NEGR1: variants seen among roughly 807,000 people sequenced by gnomAD.
The protein encoded by NEGR1 is neuronal growth regulator 1.
NEGR1 carries 10 observed loss-of-function variants against 40.9 expected under a neutral mutation model. The observed-to-expected ratio is 0.24, with a 90% CI of 0.15 to 0.42. NEGR1 has a LOEUF of 0.42. Among genes scored for constraint, NEGR1 ranks in the 10% least tolerant of loss-of-function variants. The pLI is 1.00. For missense variants in NEGR1, 352 were observed against 438.9 expected, an observed-to-expected ratio of 0.80 and a Z score of 1.77; for synonymous variants, 185 against 166.8, an observed-to-expected ratio of 1.11 and a Z score of -0.84.
rs888684054 is a variant in NEGR1 at position 71,762,307 on chromosome 1, A to C, written c.535+13865T>G. ...AAAGAAAAAAGAAAAAGTCAGACTT[A>C]AGTCCTAATGAATCAATAATTAAAT... On this transcript the variant is annotated intron_variant, in intron 3 of 6. Coordinates refer to ENST00000357731, the MANE Select transcript of NEGR1 (RefSeq NM_173808.3). 1.2e-4 allele frequency among the ~76,000 whole-genome samples: 18 copies of C among 151,844 alleles called. 1 individual carries two copies. The highest frequency in any genetic ancestry group is 4.1e-4 in the African/African-American group (17 of 41,414).
intron 1 of NEGR1, among the ~76,000 whole-genome samples, chr1:72,278,141 A>G (rs188609774): frequency 1.3e-5 from 2 of 152,286 alleles, no homozygotes; most frequent in East Asian, 3.9e-4. Flanking sequence ...GTATTAGAGT[A>G]TCATAGTAGG....
At chr1:72,070,204 C>G (rs2100508743) in intron 1 of NEGR1, among the ~76,000 whole-genome samples, 2 of 152,086 alleles carry the variant, frequency 1.3e-5, no homozygotes, top group East Asian at 3.9e-4. Flanking sequence ...TAAATATAAT[C>G]TACAAAGGAA....
At chr1:71,799,047 T>G (rs1570361809) in intron 2 of NEGR1, among the ~76,000 whole-genome samples, 4 of 117,586 alleles carry the variant, frequency 3.4e-5, no homozygotes, top group South Asian at 2.8e-4. Context: ...TTGAATGGTG[T>G]TTTTTTTTTT....
intron 1 of NEGR1, among the ~76,000 whole-genome samples, chr1:72,004,892 T>C (rs904417824): frequency 1.3e-5 from 2 of 152,140 alleles, no homozygotes; most frequent in African/African-American, 4.8e-5. Flanking sequence ...GGCAAAAGAA[T>C]TGAAATCTTA....
chr1:71,933,765 G>C (rs1430906955), intron 2 of NEGR1, among the ~76,000 whole-genome samples: 1 of 151,836 alleles, frequency 6.6e-6, no homozygotes, highest in African/African-American at 2.4e-5. Flanking sequence ...GTAAAAAAAA[G>C]AAAAATCACT....
chr1:71,614,519 TA>T (rs1248840820), intron 4 of NEGR1, among the ~76,000 whole-genome samples: 2 of 152,172 alleles, frequency 1.3e-5, no homozygotes, highest in African/African-American at 2.4e-5. Flanking sequence ...CAGGTACAGG[TA>T]AGATTGTATT....
chr1:71,788,107 CT>C (rs1249833249), intron 2 of NEGR1, among the ~76,000 whole-genome samples: 1 of 152,034 alleles, frequency 6.6e-6, no homozygotes, highest in Non-Finnish European at 1.5e-5. Flanking sequence ...TAATTATCAT[CT>C]ATATTTTTTA....
chr1:72,026,921 T>A (rs1646815499), intron 1 of NEGR1, among the ~76,000 whole-genome samples: 1 of 152,082 alleles, frequency 6.6e-6, no homozygotes, highest in Middle Eastern at 3.2e-3. Context: ...TTTTTTGTTT[T>A]GTTTTGTTTT....
intron 6 of NEGR1, among the ~76,000 whole-genome samples, chr1:71,482,501 C>A (rs1236992007): frequency 4.0e-5 from 6 of 151,782 alleles, no homozygotes; most frequent in Non-Finnish European, 1.5e-5. Flanking sequence ...CCATTTTAAA[C>A]AAACCCCAGC....
chr1:71,690,618 A>G (rs1296980468), intron 4 of NEGR1, among the ~76,000 whole-genome samples: 1 of 103,438 alleles, frequency 9.7e-6, no homozygotes, highest in East Asian at 3.0e-4. Context: ...ATAGAGGGAG[A>G]CAGAGAGAGA....
intron 5 of NEGR1, among the ~76,000 whole-genome samples, chr1:71,599,734 C>A (rs1649853231): frequency 6.6e-6 from 1 of 152,062 alleles, no homozygotes; most frequent in African/African-American, 2.4e-5. Context: ...AAATGCATGT[C>A]TTATTTACTT....
At chr1:71,908,519 C>G (rs555493738) in intron 2 of NEGR1, among the ~76,000 whole-genome samples, 3 of 152,246 alleles carry the variant, frequency 2.0e-5, no homozygotes, top group Middle Eastern at 3.4e-3. Flanking sequence ...ACCAATCTAA[C>G]GTCAGAAGGC....
rs748798468 is a variant in NEGR1 at position 71,996,748 on chromosome 1, T to A, written c.177-61437A>T. ...ATAAAAGGATCAGAAGACATAACCA[T>A]AAATAAAATGATCTTTGCTTTCGAG... On this transcript the variant is annotated intron_variant, in intron 1 of 6. Coordinates refer to ENST00000357731, the MANE Select transcript of NEGR1 (RefSeq NM_173808.3). 6.3e-4 allele frequency among the ~76,000 whole-genome samples: 96 copies of A among 152,104 alleles called. 1 individual carries two copies. The highest frequency in any genetic ancestry group is 2.6e-4 in the Non-Finnish European group (18 of 67,944).
intron 1 of NEGR1, among the ~76,000 whole-genome samples, chr1:71,946,654 T>C (rs1646022212): frequency 6.6e-6 from 1 of 152,184 alleles, no homozygotes; most frequent in African/African-American, 2.4e-5. Context: ...AAGCCTTTTA[T>C]TGATATCCTA....
chr1:72,162,263 C>T (rs969385868), intron 1 of NEGR1, among the ~76,000 whole-genome samples: 51 of 148,060 alleles, frequency 3.4e-4, no homozygotes, highest in African/African-American at 1.3e-3. Flanking sequence ...ACCAGCCTGG[C>T]CAACACAGTG....
chr1:72,018,808 G>A (rs959780024), intron 1 of NEGR1, among the ~76,000 whole-genome samples: 3 of 152,124 alleles, frequency 2.0e-5, no homozygotes, highest in Admixed American at 1.3e-4. Context: ...GCACAGTCAG[G>A]GGCCACTGCA....
At chr1:72,176,973 AG>A (rs1226260391) in intron 1 of NEGR1, among the ~76,000 whole-genome samples, 2 of 152,040 alleles carry the variant, frequency 1.3e-5, no homozygotes, top group Non-Finnish European at 2.9e-5. Flanking sequence ...GAGCGCGTTC[AG>A]GGTTGTATGG....
intron 2 of NEGR1, among the ~76,000 whole-genome samples, chr1:71,896,131 G>A (rs1417546127): frequency 7.0e-6 from 1 of 142,248 alleles, no homozygotes. Context: ...TCCTCCTCCC[G>A]AGCTCAAGTT....
chr1:71,770,193 A>G (rs1656267952), intron 3 of NEGR1, among the ~76,000 whole-genome samples: 1 of 152,212 alleles, frequency 6.6e-6, no homozygotes, highest in Non-Finnish European at 1.5e-5. Flanking sequence ...ATCACATGTA[A>G]AGATCTATGA....
Sources: allele counts gnomAD v4.1 joint callset (sites outside exome capture counted in the v4.1 genomes callset), GRCh38; gene constraint gnomAD v4.1.1; transcripts MANE v1.5; gene names NCBI Gene and HGNC (gene_info 2026-07-23, HGNC 2026-07-21).